Variants in FAM185A observed in about 807,000 individuals in gnomAD.
FAM185A encodes the protein protein FAM185A.
Under a neutral mutation model 45.7 loss-of-function variants are expected in FAM185A, and 21 were observed. The observed-to-expected ratio is 0.46, with a 90% confidence interval of 0.33 to 0.66. The LOEUF (loss-of-function observed/expected upper bound fraction) is 0.66, where lower values mean the gene tolerates loss of function less well. FAM185A is among the 30% of genes least tolerant of loss of function. FAM185A has a pLI of 0.03. For missense variants in FAM185A, 305 were observed against 485.4 expected (o/e 0.63, Z 3.49); for synonymous variants, 117 against 194.0 (o/e 0.60, Z 3.30).
Position 102,777,358 on chromosome 7 carries a change from C to G in FAM185A, c.931+10C>G. On this transcript the variant is annotated intron_variant, in intron 6 of 7. Coordinates refer to ENST00000413034, the MANE Select transcript of FAM185A (RefSeq NM_001145268.2). ...TTGAAATCCCATAAAGGTTAGTGAA[C>G]TGGAATGTTTTATTTTGACATATGA... 2 of 1,490,574 alleles carry G rather than the reference C, an allele frequency of 1.3e-6. No homozygotes were observed. Among genetic ancestry groups the G allele is most frequent in the Non-Finnish European group, 1.8e-6 (2 of 1,110,556 alleles). 92.3% of individuals were successfully genotyped at this position (1,490,574 alleles called of 1,614,324 possible). A position where few individuals can be genotyped will look rare whatever the true frequency, so the allele number is the denominator to read the frequency against.
At chr7:102,831,394 GACACACACACACAC>G in the FAM185A span, among the ~76,000 whole-genome samples, 16 of 141,654 alleles carry the variant, frequency 1.1e-4, no homozygotes, top group African/African-American at 2.9e-4. Context: ...CAGTGCCCGG[GACACACACACACAC>G]ACACACACAC....
At chr7:102,763,664 T>G (rs1350904099) in intron 4 of FAM185A, among the ~76,000 whole-genome samples, 3 of 152,168 alleles carry the variant, frequency 2.0e-5, no homozygotes. Context: ...CCGAAGTGAC[T>G]CCTTTTTGCT....
chr7:102,785,909 G>A (rs564677376), intron 6 of FAM185A, among the ~76,000 whole-genome samples: 8 of 152,276 alleles, frequency 5.3e-5, no homozygotes, highest in African/African-American at 1.9e-4. Context: ...CAGAATGGGA[G>A]AAATTTTTTG....
the FAM185A span, among the ~76,000 whole-genome samples, chr7:102,823,836 T>G: frequency 4.6e-5 from 7 of 152,230 alleles, no homozygotes; most frequent in African/African-American, 1.7e-4. Flanking sequence ...CTAAACACGC[T>G]TTGTTTCCGG....
chr7:102,827,360 C>T, the FAM185A span, among the ~76,000 whole-genome samples: 1 of 152,196 alleles, frequency 6.6e-6, no homozygotes, highest in African/African-American at 2.4e-5. Flanking sequence ...AAGAACCACA[C>T]AGCCAAAACC....
the FAM185A span, among the ~76,000 whole-genome samples, chr7:102,836,539 A>G: frequency 6.6e-6 from 1 of 152,218 alleles, no homozygotes; most frequent in African/African-American, 2.4e-5. Context: ...ATGCAACACT[A>G]AATTTCTTCC....
chr7:102,834,283 C>A, the FAM185A span, among the ~76,000 whole-genome samples: 3 of 149,914 alleles, frequency 2.0e-5, no homozygotes, highest in African/African-American at 7.3e-5. Context: ...AAGTTAGAGA[C>A]CTCAGTAAAT....
At chr7:102,761,685 A>G (rs1231207578) in intron 4 of FAM185A, among the ~76,000 whole-genome samples, 9 of 150,644 alleles carry the variant, frequency 6.0e-5, no homozygotes, top group African/African-American at 2.2e-4. Context: ...TTTTTTTGAG[A>G]CAGAGTCTTG....
chr7:102,787,928 T>C (rs1447778175), intron 7 of FAM185A, among the ~76,000 whole-genome samples: 2 of 152,228 alleles, frequency 1.3e-5, no homozygotes, highest in Non-Finnish European at 2.9e-5. Flanking sequence ...CTGGCTACAC[T>C]GGTGGCTGAT....
the FAM185A span, among the ~76,000 whole-genome samples, chr7:102,835,044 A>G: frequency 1.3e-5 from 2 of 152,204 alleles, no homozygotes; most frequent in Non-Finnish European, 2.9e-5. Context: ...ATAATAATAA[A>G]GATGCACAAA....
intron 7 of FAM185A, among the ~76,000 whole-genome samples, chr7:102,801,152 A>C (rs1796766555): frequency 6.6e-6 from 1 of 152,192 alleles, no homozygotes. Context: ...TGAAAGATAC[A>C]GTCTTTTTCA....
the FAM185A span, among the ~76,000 whole-genome samples, chr7:102,824,176 C>A: frequency 6.6e-6 from 1 of 152,202 alleles, no homozygotes; most frequent in African/African-American, 2.4e-5. Context: ...ATGGAAACAA[C>A]TTTGCTGCAT....
chr7:102,810,273 C>T (rs1244089643), downstream of FAM185A, among the ~76,000 whole-genome samples: 1 of 152,214 alleles, frequency 6.6e-6, no homozygotes, highest in African/African-American at 2.4e-5. Flanking sequence ...TGCTCTGCCA[C>T]TCAGGCTGGA....
At chr7:102,756,700 TATATA>T (rs1209219783) in intron 2 of FAM185A, among the ~76,000 whole-genome samples, 3 of 144,816 alleles carry the variant, frequency 2.1e-5, no homozygotes, top group Non-Finnish European at 4.6e-5. Context: ...TAATGGCTCA[TATATA>T]ATATGAGTTT....
chr7:102,820,173 G>A, the FAM185A span, among the ~76,000 whole-genome samples: 3 of 152,336 alleles, frequency 2.0e-5, no homozygotes, highest in Admixed American at 6.5e-5. Context: ...TCCTGCTAGA[G>A]CTAAGCAAGG....
At chr7:102,807,379 G>C (rs1341207802) in intron 7 of FAM185A, among the ~76,000 whole-genome samples, 2 of 152,116 alleles carry the variant, frequency 1.3e-5, no homozygotes, top group Admixed American at 6.5e-5. Flanking sequence ...TTATACTCCA[G>C]TAAAGCTCTT....
chr7:102,835,061 G>A, the FAM185A span, among the ~76,000 whole-genome samples: 2 of 152,122 alleles, frequency 1.3e-5, no homozygotes, highest in Admixed American at 1.3e-4. Context: ...CAAATGTATT[G>A]TACTTTGAGA....
chr7:102,786,349 A>T (rs1446337743), intron 6 of FAM185A, among the ~76,000 whole-genome samples: 1 of 152,250 alleles, frequency 6.6e-6, no homozygotes, highest in African/African-American at 2.4e-5. Context: ...CCAAAGGATT[A>T]TAAATCATGC....
intron 4 of FAM185A, among the ~76,000 whole-genome samples, chr7:102,768,877 T>C (rs1794573654): frequency 6.6e-6 from 1 of 152,154 alleles, no homozygotes; most frequent in Admixed American, 6.6e-5. Context: ...TAAGATTTAC[T>C]CCTCTCAAAT....
Sources: allele counts gnomAD v4.1 joint callset (sites outside exome capture counted in the v4.1 genomes callset), GRCh38; gene constraint gnomAD v4.1.1; transcripts MANE v1.5; gene names NCBI Gene and HGNC (gene_info 2026-07-23, HGNC 2026-07-21).